The following SUN5 variants were observed in gnomAD, a reference collection of about 807,000 sequenced individuals.
SUN5 encodes the protein Sad1 and UNC84 domain containing 5.
SUN5 carries 44 observed loss-of-function variants against 53.7 expected under a neutral mutation model. That is an observed-to-expected ratio of 0.82 (90% CI 0.64 to 1.05). The LOEUF is 1.05. Ranked by LOEUF, SUN5 falls within the 50% of genes least tolerant of loss-of-function variation. The pLI, the probability that SUN5 is intolerant of heterozygous loss-of-function variation, is 0.00. For missense variants in SUN5, 433 were observed against 483.8 expected (o/e 0.90, Z 0.98); for synonymous variants, 166 against 179.8 (o/e 0.92, Z 0.62).
chr20:33,004,308 TG>T lies in SUN5; in HGVS notation c.32del (p.Pro11GlnfsTer35). On this transcript the variant is annotated frameshift_variant, in exon 1 of 13. Transcript: ENST00000356173. LOFTEE classifies it high-confidence loss of function. MPRSSRSPGD[P>X]GALLEDVAHN... The stretch of plus-strand genomic sequence containing the variant: ...GGGCCACATCTTCGAGTAGGGCGCC[TG>T]GGTCCCCAGGGCTCCTTGAGGACCG... The T allele has an allele frequency of 1.3e-6, 2 of 1,576,536 alleles. No homozygotes were observed. Among genetic ancestry groups the T allele is most frequent in the Non-Finnish European group, 1.7e-6 (2 of 1,160,532 alleles).
intron 7 of SUN5, 132 bp downstream of exon 7, chr20:32,996,192 G>A: frequency 1.2e-6 from 1 of 821,904 alleles, no homozygotes; most frequent in Non-Finnish European, 1.9e-6. Context: ...CCATGTAGAA[G>A]GCATGGGAGT....
At chr20:32,999,956 T>A (rs1013039559) in intron 5 of SUN5, 118 bp downstream of exon 5, 4 of 1,555,090 alleles carry the variant, frequency 2.6e-6, no homozygotes, top group Non-Finnish European at 3.5e-6. Context: ...GCAACACCCA[T>A]CAGGCAGATG....
intron 1 of SUN5, among the ~76,000 whole-genome samples, chr20:33,003,327 T>C (rs1456423028): frequency 6.6e-6 from 1 of 151,974 alleles, no homozygotes; most frequent in Non-Finnish European, 1.5e-5. Flanking sequence ...GGTTACGAGG[T>C]AAGGGACTTG....
intron 8 of SUN5, among the ~76,000 whole-genome samples, chr20:32,990,747 T>C (rs1204006903): frequency 6.6e-6 from 1 of 152,116 alleles, no homozygotes; most frequent in Admixed American, 6.5e-5. Flanking sequence ...CAGCCCCAGA[T>C]GTAGAGTCAC....
At chr20:33,004,027 C>G (rs758642809) in intron 1 of SUN5, among the ~76,000 whole-genome samples, 1 of 152,210 alleles carries the variant, frequency 6.6e-6, no homozygotes, top group Non-Finnish European at 1.5e-5. Flanking sequence ...TGTTCCCCGT[C>G]CTCTGTGCAT....
intron 1 of SUN5, 56 bp downstream of exon 1, chr20:33,004,208 G>A: frequency 6.7e-7 from 1 of 1,492,378 alleles, no homozygotes; most frequent in South Asian, 1.3e-5. Flanking sequence ...AGGGTGGAGG[G>A]GCAGCATTTT....
intron 9 of SUN5, 119 bp from the exon 10 acceptor site, chr20:32,987,894 T>C: frequency 1.5e-6 from 1 of 685,552 alleles, no homozygotes; most frequent in Non-Finnish European, 2.6e-6. Context: ...CTGGCCCTGT[T>C]CTCCTCTAGG....
intron 7 of SUN5, 80 bp downstream of exon 7, chr20:32,996,244 T>C (rs1459879067): frequency 1.4e-6 from 2 of 1,433,680 alleles, no homozygotes; most frequent in Non-Finnish European, 1.9e-6. Context: ...GAGCCTATAT[T>C]TGTAGCCAAT....
At chr20:32,984,322 G>C (rs1056664690) in intron 12 of SUN5, among the ~76,000 whole-genome samples, 1 of 151,750 alleles carries the variant, frequency 6.6e-6, no homozygotes, top group Admixed American at 6.6e-5. Context: ...GGGAACAGGC[G>C]GCCTCTAGAA....
intron 9 of SUN5, among the ~76,000 whole-genome samples, chr20:32,988,534 T>G (rs1161412352): frequency 6.6e-6 from 1 of 152,158 alleles, no homozygotes; most frequent in Non-Finnish European, 1.5e-5. Context: ...GTCCCCTCCC[T>G]CCTCGCCACC....
chr20:33,001,436 G>T (rs1039118067), intron 3 of SUN5, among the ~76,000 whole-genome samples, 158 bp from the exon 4 acceptor site: 1 of 152,098 alleles, frequency 6.6e-6, no homozygotes. Flanking sequence ...CTGCTTATGG[G>T]TACGCACTAG....
chr20:33,002,488 A>G, intron 3 of SUN5, 99 bp downstream of exon 3: 1 of 1,144,970 alleles, frequency 8.7e-7, no homozygotes. Context: ...CCTGCAGTCC[A>G]GGGCAGGCAT....
intron 3 of SUN5, among the ~76,000 whole-genome samples, chr20:33,002,136 A>G (rs1310307268): frequency 6.8e-6 from 1 of 147,930 alleles, no homozygotes; most frequent in Non-Finnish European, 1.5e-5. Context: ...ACAGGGGTGG[A>G]TGGAAGAAGG....
At chr20:32,985,497 G>T (rs542166991) in intron 11 of SUN5, among the ~76,000 whole-genome samples, 46 of 151,866 alleles carry the variant, frequency 3.0e-4, no homozygotes, top group Non-Finnish European at 5.9e-4. Flanking sequence ...GGGCTCCATG[G>T]TCTCTGAAGA....
rs555172736 is a variant in SUN5, at chr20:32,994,094, G to C, written c.534+1525C>G. The stretch of plus-strand genomic sequence containing the variant: ...TTGTGAGGCCTCAAACATACAGTAA[G>C]TCTGCCACTAAGACAGTTGTCAAAT... On this transcript the variant is annotated intron_variant, in intron 8 of 12. Coordinates refer to ENST00000356173, the MANE Select transcript of SUN5 (RefSeq NM_080675.4). 6.2e-4 allele frequency among the ~76,000 whole-genome samples: 94 copies of C among 152,342 alleles called. 1 individual carries two copies. In the South Asian group the frequency reaches 0.019, roughly 31 times the overall value.
chr20:33,000,637 G>A (rs1341476186), intron 4 of SUN5, among the ~76,000 whole-genome samples: 1 of 152,146 alleles, frequency 6.6e-6, no homozygotes, highest in African/African-American at 2.4e-5. Flanking sequence ...AGGATCACTG[G>A]AGTTTGAGAC....
Position 32,987,714 on chromosome 20 carries a change from G to T in SUN5, c.675C>A (p.Tyr225Ter), listed in dbSNP as rs774107230. Residue 225 changes from tyrosine to a stop codon, truncating the protein, a stop_gained, in exon 10 of 13, where the codon TAC becomes TAA. Transcript: ENST00000356173. LOFTEE classifies it high-confidence loss of function. ...VTYNHEKAHS[Y>*]WNWIQLWNYA... ...AGTTCCACAGCTGGATCCAGTTCCA[G>T]TAGGAGTGGGCCTTCTCATGGTTAT... 4 of 1,613,480 alleles carry T rather than the reference G, an allele frequency of 2.5e-6. No individual in the cohort carries two copies. In the East Asian group the frequency reaches 8.9e-5, roughly 36 times the overall value.
At chr20:32,994,230 T>C (rs1490011885) in intron 8 of SUN5, among the ~76,000 whole-genome samples, 1 of 152,192 alleles carries the variant, frequency 6.6e-6, no homozygotes, top group African/African-American at 2.4e-5. Context: ...CATGTCTAGA[T>C]AGAAGTGACC....
At chr20:32,985,692 T>C (rs1441251314) in intron 11 of SUN5, 44 bp downstream of exon 11, 1 of 1,600,828 alleles carries the variant, frequency 6.2e-7, no homozygotes, top group Non-Finnish European at 8.5e-7. Context: ...CATTGGAAGG[T>C]TGTCCCTTTA....
Sources: allele counts gnomAD v4.1 joint callset (sites outside exome capture counted in the v4.1 genomes callset), GRCh38; gene constraint gnomAD v4.1.1; transcripts MANE v1.5; gene names NCBI Gene and HGNC (gene_info 2026-07-23, HGNC 2026-07-21).